Variants in BDH2 observed in about 807,000 individuals in gnomAD.
BDH2 encodes dehydrogenase/reductase SDR family member 6.
Under a neutral mutation model 33.2 loss-of-function variants are expected in BDH2, and 24 were observed. That is an observed-to-expected ratio of 0.72 (90% CI 0.52 to 1.02). BDH2 has a LOEUF of 1.02. BDH2 is among the 50% of genes least tolerant of loss of function. BDH2 has a pLI of 0.00. For synonymous variants in BDH2, 81 were observed against 101.6 expected (o/e 0.80, Z 1.22); for missense variants, 249 against 301.6 (o/e 0.83, Z 1.29).
At chr4:103,097,410 G>C (rs1748464564) in intron 1 of BDH2, among the ~76,000 whole-genome samples, 1 of 152,234 alleles carries the variant, frequency 6.6e-6, no homozygotes, top group Non-Finnish European at 1.5e-5. Flanking sequence ...CAAAGTGAGA[G>C]AAAGAGCTAG....
chr4:103,082,649 T>G (rs1747577735), intron 8 of BDH2, among the ~76,000 whole-genome samples: 1 of 152,126 alleles, frequency 6.6e-6, no homozygotes, highest in African/African-American at 2.4e-5. Flanking sequence ...CTCAAACTCC[T>G]GGGCTCAAGC....
intron 6 of BDH2, chr4:103,085,874 T>C: frequency 8.2e-7 from 1 of 1,215,184 alleles, no homozygotes; most frequent in Non-Finnish European, 1.0e-6. Flanking sequence ...GAAGAAATGG[T>C]ATCTCAGCAG....
At chr4:103,083,672 C>T (rs1044633759) in intron 7 of BDH2, among the ~76,000 whole-genome samples, 20 of 151,998 alleles carry the variant, frequency 1.3e-4, no homozygotes, top group Non-Finnish European at 2.5e-4. Context: ...TTAGAGGGCC[C>T]TTTTTCAGAC....
intron 6 of BDH2, 140 bp from the exon 7 acceptor site, chr4:103,085,602 G>T: frequency 6.9e-7 from 1 of 1,459,436 alleles, no homozygotes; most frequent in African/African-American, 1.4e-5. Flanking sequence ...ATTGATATCA[G>T]ATTTTTTTCC....
At chr4:103,085,256 G>A (rs1578501424) in intron 7 of BDH2, 93 bp downstream of exon 7, 2 of 927,388 alleles carry the variant, frequency 2.2e-6, no homozygotes. Flanking sequence ...TGCCTTTGTA[G>A]CATGAAAACA....
chr4:103,097,873 G>C (rs1748483825), intron 1 of BDH2: 1 of 152,180 alleles, frequency 6.6e-6, no homozygotes, highest in African/African-American at 2.4e-5. Flanking sequence ...ATTTTGTACA[G>C]GTTGATAGCC....
At chr4:103,092,718 A>C in intron 3 of BDH2, 22 bp from the exon 4 acceptor site, 1 of 1,528,902 alleles carries the variant, frequency 6.5e-7, no homozygotes, top group Non-Finnish European at 9.1e-7. Context: ...AACAAGAGGC[A>C]CTATTCCTAA....
intron 5 of BDH2, among the ~76,000 whole-genome samples, chr4:103,086,941 G>A (rs1475304815): frequency 3.9e-5 from 6 of 152,216 alleles, no homozygotes; most frequent in Non-Finnish European, 8.8e-5. Flanking sequence ...GCTAGGTCCA[G>A]GAGATTACTG....
chr4:103,098,700 T>C (rs555826394), intron 1 of BDH2: 2 of 152,442 alleles, frequency 1.3e-5, no homozygotes, highest in Admixed American at 1.3e-4. Context: ...CTCAACCTGG[T>C]TTCCTTCTTT....
At position 103,081,939 on chromosome 4, in the gene BDH2, AT is replaced by A. The variant is rs201470876; in HGVS notation, c.684+141del. 2.0e-3 allele frequency: 1,252 copies of A among 616,272 alleles called. 15 individuals carry two copies. Among genetic ancestry groups the A allele is most frequent in the African/African-American group, 0.018 (964 of 54,530 alleles). 38.2% of individuals were successfully genotyped at this position (616,272 alleles called of 1,614,324 possible). On this transcript the variant is annotated intron_variant, in intron 9 of 9. Coordinates refer to ENST00000296424, the MANE Select transcript of BDH2 (RefSeq NM_020139.4). ...AGTGGTCTTTCTTTGAGCAAATTAAATGAGAACTTATCCCTATCTTATAAAT... is the reference window on the plus strand; with the variant it reads ...AGTGGTCTTTCTTTGAGCAAATTAAAGAGAACTTATCCCTATCTTATAAAT...
At chr4:103,079,880 A>G (rs914870353) in intron 9 of BDH2, 125 bp from the exon 10 acceptor site, 1 of 821,920 alleles carries the variant, frequency 1.2e-6, no homozygotes, top group Non-Finnish European at 2.0e-6. Flanking sequence ...ACCTCACTTA[A>G]ACACTTAATT....
Position 103,086,092 on chromosome 4 carries a change from T to C in BDH2, c.418+388A>G, listed in dbSNP as rs142614643. 1.1e-3 allele frequency: 1,245 copies of C among 1,103,378 alleles called. 2 individuals carry two copies. Among genetic ancestry groups the C allele is most frequent in the Middle Eastern group, 2.1e-3 (5 of 2,346 alleles). 68.3% of individuals were successfully genotyped at this position (1,103,378 alleles called of 1,614,324 possible). ...AAACCTCTGTTATATATCATCACAC[T>C]GGAGAAGATGATGTTTGCTGCCTTG... On this transcript the variant is annotated intron_variant, in intron 6 of 9. Transcript: ENST00000296424.
chr4:103,086,959 G>A (rs976511766), intron 5 of BDH2, among the ~76,000 whole-genome samples: 3 of 152,278 alleles, frequency 2.0e-5, no homozygotes, highest in Middle Eastern at 3.4e-3. Flanking sequence ...CTGCCTACAG[G>A]AGGCAACCAG....
chr4:103,096,049 C>G, intron 2 of BDH2, 134 bp downstream of exon 2: 1 of 589,910 alleles, frequency 1.7e-6, no homozygotes, highest in Non-Finnish European at 2.9e-6. Flanking sequence ...ATTTTTATAA[C>G]TTAAGACAAC....
rs578054270 is a variant in BDH2, at chr4:103,091,916, T to C, written c.249-631A>G. Among the ~76,000 whole-genome samples, 5 of 152,314 alleles carry C rather than the reference T, an allele frequency of 3.3e-5. No homozygotes were observed. The South Asian group carries it at 1.0e-3, about 32-fold the overall frequency. On this transcript the variant is annotated intron_variant, in intron 4 of 9. Coordinates refer to ENST00000296424, the MANE Select transcript of BDH2 (RefSeq NM_020139.4). ...CAGAGCAGCAAAGTGATACTGCTAG[T>C]GTTCTAACATACTGAGAGATGTTAG...
At chr4:103,098,324 T>C (rs1026486558) in intron 1 of BDH2, among the ~76,000 whole-genome samples, 5 of 152,230 alleles carry the variant, frequency 3.3e-5, no homozygotes, top group Non-Finnish European at 7.3e-5. Flanking sequence ...GTTTTGCAGC[T>C]ATGAATTCAA....
intron 1 of BDH2, chr4:103,098,894 T>G (rs1748528609): frequency 6.6e-6 from 1 of 152,158 alleles, no homozygotes; most frequent in Non-Finnish European, 1.5e-5. Context: ...GCTCCAGGGA[T>G]CAGCTTATAA....
intron 1 of BDH2, among the ~76,000 whole-genome samples, 153 bp downstream of exon 1, chr4:103,099,630 G>GT (rs1202731146): frequency 1.3e-5 from 2 of 152,090 alleles, no homozygotes; most frequent in Non-Finnish European, 2.9e-5. Context: ...ATACCACAGA[G>GT]TTTCAGGCTC....
chr4:103,097,439 AG>A (rs1748466397), intron 1 of BDH2, among the ~76,000 whole-genome samples: 1 of 152,154 alleles, frequency 6.6e-6, no homozygotes, highest in Non-Finnish European at 1.5e-5. Flanking sequence ...CTGGGGGTGG[AG>A]AAGAGCCAAA....
Sources: allele counts gnomAD v4.1 joint callset (sites outside exome capture counted in the v4.1 genomes callset), GRCh38; gene constraint gnomAD v4.1.1; transcripts MANE v1.5; gene names NCBI Gene and HGNC (gene_info 2026-07-23, HGNC 2026-07-21).